PAGE2B: variants seen among roughly 807,000 people sequenced by gnomAD.
PAGE2B encodes PAGE family member 2B.
PAGE2B carries 5 observed loss-of-function variants against 7.6 expected under a neutral mutation model. The observed-to-expected ratio is 0.66, with a 90% CI of 0.34 to 1.38. PAGE2B has a LOEUF of 1.38. Among genes scored for constraint, PAGE2B ranks in the 40% most tolerant of loss-of-function variants. The pLI is 0.04. For synonymous variants in PAGE2B, 29 were observed against 26.7 expected, an observed-to-expected ratio of 1.09 and a Z score of -0.27; for missense variants, 70 against 78.4, an observed-to-expected ratio of 0.89 and a Z score of 0.41.
chrX:55,067,532 A>G, the PAGE2B span, among the ~76,000 whole-genome samples: 1 of 111,612 alleles, frequency 9.0e-6, no homozygotes, highest in Non-Finnish European at 1.9e-5. Flanking sequence ...ATGTGTCTTT[A>G]TAGTAGAATG....
chrX:55,058,861 G>T, the PAGE2B span, among the ~76,000 whole-genome samples: 7 of 110,476 alleles, frequency 6.3e-5, no homozygotes, highest in African/African-American at 2.3e-4. Context: ...TTTTATTGAT[G>T]CTATGCACAA....
At chrX:55,035,089 TC>T in the PAGE2B span, among the ~76,000 whole-genome samples, 1 of 110,341 alleles carries the variant, frequency 9.1e-6, no homozygotes, top group Non-Finnish European at 1.9e-5. Flanking sequence ...GGGTTTGCCT[TC>T]CCCAGCCCAC....
intron 3 of PAGE2B, among the ~76,000 whole-genome samples, chrX:55,077,136 G>C (rs1385368021): frequency 8.9e-6 from 1 of 111,962 alleles, no homozygotes; most frequent in Non-Finnish European, 1.9e-5. Context: ...TAGTCAGATT[G>C]ACTCAAACAA....
chrX:55,070,545 A>T (rs1936439464), upstream of PAGE2B, among the ~76,000 whole-genome samples: 1 of 111,512 alleles, frequency 9.0e-6, no homozygotes, highest in African/African-American at 3.3e-5. Flanking sequence ...GATGTCTGTT[A>T]GGTCTGCTTG....
chrX:55,029,987 AG>A, the PAGE2B span, among the ~76,000 whole-genome samples: 1 of 83,140 alleles, frequency 1.2e-5, no homozygotes, highest in African/African-American at 4.8e-5. Flanking sequence ...GCTTTGCAAA[AG>A]TCAATTAGGT....
chrX:55,036,512 G>T, the PAGE2B span, among the ~76,000 whole-genome samples: 13 of 110,955 alleles, frequency 1.2e-4, no homozygotes, highest in African/African-American at 1.3e-4. Context: ...TAGCATGAAG[G>T]GTTGTTGAAT....
upstream of PAGE2B, among the ~76,000 whole-genome samples, chrX:55,072,018 G>T (rs1380351476): frequency 8.9e-6 from 1 of 112,024 alleles, no homozygotes; most frequent in Non-Finnish European, 1.9e-5. Flanking sequence ...TAGCTCAGAA[G>T]AGTTTGTTGT....
the PAGE2B span, among the ~76,000 whole-genome samples, chrX:55,035,942 T>C: frequency 8.9e-6 from 1 of 111,833 alleles, no homozygotes; most frequent in African/African-American, 3.3e-5. Flanking sequence ...GCATGGAATG[T>C]TCTTCCATTT....
At chrX:55,075,466 G>C (rs1238337069) in intron 1 of PAGE2B, among the ~76,000 whole-genome samples, 2 of 111,150 alleles carry the variant, frequency 1.8e-5, no homozygotes, top group Admixed American at 1.9e-4. Flanking sequence ...GAGACCATGT[G>C]GTCAGTAAGG....
chrX:55,057,543 C>A, the PAGE2B span, among the ~76,000 whole-genome samples: 1 of 111,131 alleles, frequency 9.0e-6, no homozygotes, highest in Non-Finnish European at 1.9e-5. Context: ...TCCCAACATG[C>A]CTTATGTCTG....
At chrX:55,063,382 T>G in the PAGE2B span, among the ~76,000 whole-genome samples, 2 of 111,719 alleles carry the variant, frequency 1.8e-5, no homozygotes, top group Non-Finnish European at 3.8e-5. Context: ...TGTTAGCATA[T>G]AGAAATGCTA....
the PAGE2B span, among the ~76,000 whole-genome samples, chrX:55,062,347 C>T: frequency 9.0e-6 from 1 of 111,634 alleles, no homozygotes. Context: ...CTCTGATGAT[C>T]AATTATATTG....
chrX:55,071,935 C>A (rs1391036495), upstream of PAGE2B, among the ~76,000 whole-genome samples: 2 of 111,877 alleles, frequency 1.8e-5, no homozygotes, highest in Non-Finnish European at 3.8e-5. Context: ...AAAATGGGTT[C>A]TTCTAGTTCG....
At chrX:55,041,540 T>C in the PAGE2B span, among the ~76,000 whole-genome samples, 1 of 112,438 alleles carries the variant, frequency 8.9e-6, no homozygotes, top group Non-Finnish European at 1.9e-5. Context: ...CAGAGCTAGC[T>C]GAGGTTTTAT....
chrX:55,038,007 A>T, the PAGE2B span, among the ~76,000 whole-genome samples: 48 of 109,268 alleles, frequency 4.4e-4, no homozygotes, highest in African/African-American at 1.6e-3. Context: ...CATATGTAAC[A>T]AACCTGCACA....
At chrX:55,041,988 C>G in the PAGE2B span, among the ~76,000 whole-genome samples, 1 of 111,614 alleles carries the variant, frequency 9.0e-6, no homozygotes, top group Non-Finnish European at 1.9e-5. Context: ...ACCCTGAGAA[C>G]TGGAACAAGA....
chrX:55,034,206 A>G, the PAGE2B span, among the ~76,000 whole-genome samples: 4 of 111,879 alleles, frequency 3.6e-5, no homozygotes, highest in South Asian at 1.5e-3. Flanking sequence ...AGAGAGTAGC[A>G]TGATAGCTAT....
chrX:55,045,524 GAA>G, the PAGE2B span, among the ~76,000 whole-genome samples: 1 of 108,802 alleles, frequency 9.2e-6, no homozygotes, highest in Admixed American at 9.9e-5. Context: ...CTTATCATCT[GAA>G]AAAAAAATAG....
chrX:55,071,264 C>T (rs1936446540), upstream of PAGE2B, among the ~76,000 whole-genome samples: 1 of 111,003 alleles, frequency 9.0e-6, no homozygotes, highest in Non-Finnish European at 1.9e-5. Context: ...AATCTCTCGG[C>T]ATTTGCTTGT....
Sources: allele counts gnomAD v4.1 joint callset (sites outside exome capture counted in the v4.1 genomes callset), GRCh38; gene constraint gnomAD v4.1.1; transcripts MANE v1.5; gene names NCBI Gene and HGNC (gene_info 2026-07-23, HGNC 2026-07-21).